CMSS1: variants seen among roughly 807,000 people sequenced by gnomAD.
CMSS1 encodes cms1 ribosomal small subunit homolog.
Under a neutral mutation model 43.5 loss-of-function variants are expected in CMSS1, and 33 were observed. The ratio of observed to expected loss-of-function variants is 0.76; its 90% confidence interval spans 0.57 to 1.01. The LOEUF (loss-of-function observed/expected upper bound fraction) is 1.01, where lower values mean the gene tolerates loss of function less well. CMSS1 is among the 50% of genes least tolerant of loss of function. The probability of loss-of-function intolerance (pLI) is 0.00; values close to 1 mark genes in which losing one functional copy is unlikely to be tolerated. For missense variants in CMSS1, 313 were observed against 326.4 expected, an observed-to-expected ratio of 0.96 and a Z score of 0.32; for synonymous variants, 115 against 117.2, an observed-to-expected ratio of 0.98 and a Z score of 0.12.
chr3:99,841,744 A>T (rs1009719495), intron 1 of CMSS1, among the ~76,000 whole-genome samples: 4 of 152,246 alleles, frequency 2.6e-5, no homozygotes, highest in Non-Finnish European at 4.4e-5. Context: ...GCTCAACATC[A>T]CTAATTATCA....
At chr3:100,158,956 G>C (rs1435003913) in intron 2 of CMSS1, among the ~76,000 whole-genome samples, 1 of 152,228 alleles carries the variant, frequency 6.6e-6, no homozygotes, top group Admixed American at 6.5e-5. Context: ...TACTGGTAGA[G>C]ATAATGCAGT....
chr3:100,102,212 G>T (rs75280680), intron 1 of CMSS1, among the ~76,000 whole-genome samples: 7 of 151,170 alleles, frequency 4.6e-5, no homozygotes, highest in Admixed American at 6.6e-5. Context: ...TTCCACAATG[G>T]TTGAACTAGT....
intron 1 of CMSS1, among the ~76,000 whole-genome samples, chr3:99,976,606 A>G (rs143141625): frequency 1.5e-3 from 232 of 152,308 alleles, no homozygotes; most frequent in African/African-American, 5.1e-3. Context: ...GAAGTTTGCC[A>G]TAATTTTTAT....
intron 1 of CMSS1, among the ~76,000 whole-genome samples, chr3:99,825,775 CT>C (rs897686337): frequency 0.014 from 1,703 of 121,568 alleles, 15 homozygotes; most frequent in African/African-American, 0.048. Context: ...TTTTCTTTTT[CT>C]TTTTTTTTTT....
At chr3:99,930,735 G>T in intron 1 of CMSS1, 1 of 1,605,742 alleles carries the variant, frequency 6.2e-7, no homozygotes, top group Non-Finnish European at 8.5e-7. Context: ...CCTTCTGTTT[G>T]AAGCATGATG....
At chr3:100,109,917 G>T (rs1349188873) in intron 1 of CMSS1, 2 of 34,236 alleles carry the variant, frequency 5.8e-5, no homozygotes, top group Non-Finnish European at 1.2e-4. Flanking sequence ...CCCCCCCCCA[G>T]CACCACCCCC....
chr3:100,082,423 G>C (rs1432728586), intron 1 of CMSS1, among the ~76,000 whole-genome samples: 3 of 152,196 alleles, frequency 2.0e-5, no homozygotes, highest in African/African-American at 7.2e-5. Context: ...AAAACTCACT[G>C]TTATCATAAC....
intron 1 of CMSS1, among the ~76,000 whole-genome samples, chr3:100,125,788 C>CT (rs1269198565): frequency 6.6e-6 from 1 of 152,066 alleles, no homozygotes; most frequent in Non-Finnish European, 1.5e-5. Context: ...ACTCTGTGTC[C>CT]TTTTTTTGGC....
At chr3:99,974,342 AG>A (rs1708906576) in intron 1 of CMSS1, among the ~76,000 whole-genome samples, 1 of 152,168 alleles carries the variant, frequency 6.6e-6, no homozygotes, top group African/African-American at 2.4e-5. Flanking sequence ...TTTCTTTGTA[AG>A]TTTAGTAAAG....
At chr3:99,916,828 C>T (rs556910765) in intron 1 of CMSS1, among the ~76,000 whole-genome samples, 1 of 152,326 alleles carries the variant, frequency 6.6e-6, no homozygotes, top group East Asian at 1.9e-4. Context: ...TCACTCATCA[C>T]TTGTGCCAGC....
intron 1 of CMSS1, among the ~76,000 whole-genome samples, chr3:100,107,107 C>G (rs898131130): frequency 6.6e-6 from 1 of 152,004 alleles, no homozygotes; most frequent in South Asian, 2.1e-4. Context: ...AGGTGAAAAT[C>G]TTTATATTCT....
rs1329565924 is a variant in CMSS1 at position 100,178,620 on chromosome 3, C to T, written c.*232C>T. On this transcript the variant is annotated 3_prime_UTR_variant, in exon 10 of 10. Coordinates refer to ENST00000421999, the MANE Select transcript of CMSS1 (RefSeq NM_032359.4). Reference sequence around the variant, plus strand: ...TGTGTATGATCCTTGTTGAGCGGACCGTGTTTTTCTGTCACCAACTGGCTT... The same window carrying T: ...TGTGTATGATCCTTGTTGAGCGGACTGTGTTTTTCTGTCACCAACTGGCTT... 7 of 386,854 alleles carry T rather than the reference C, an allele frequency of 1.8e-5. No individual in the cohort carries two copies. Among genetic ancestry groups the T allele is most frequent in the Non-Finnish European group, 3.3e-5 (7 of 212,996 alleles). 24.0% of individuals were successfully genotyped at this position (386,854 alleles called of 1,614,324 possible).
chr3:100,169,553 A>G (rs765199811), intron 6 of CMSS1, among the ~76,000 whole-genome samples: 3 of 152,282 alleles, frequency 2.0e-5, no homozygotes, highest in Non-Finnish European at 2.9e-5. Flanking sequence ...TTAGAAAAGT[A>G]GTTGTTAAAC....
chr3:99,957,693 C>CTTTTTTTTTTTTTTTTTTTT (rs779350496), intron 1 of CMSS1, among the ~76,000 whole-genome samples: 348 of 19,886 alleles, frequency 0.017, 85 homozygotes, highest in Middle Eastern at 0.12. Flanking sequence ...TTCTTTCTTT[C>CTTTTTTTTTTTTTTTTTTTT]TTTTTTTTTT....
chr3:100,113,692 C>A (rs990304188), intron 1 of CMSS1, among the ~76,000 whole-genome samples: 24 of 152,190 alleles, frequency 1.6e-4, no homozygotes, highest in Non-Finnish European at 3.5e-4. Context: ...CATCAGCTTA[C>A]AAAATCAAGC....
intron 1 of CMSS1, among the ~76,000 whole-genome samples, chr3:99,937,588 T>C (rs1178752452): frequency 6.6e-6 from 1 of 152,214 alleles, no homozygotes; most frequent in Non-Finnish European, 1.5e-5. Flanking sequence ...ATAATGGTAC[T>C]TGCTAATGGG....
chr3:99,849,816 T>G, intron 1 of CMSS1: 1 of 1,612,696 alleles, frequency 6.2e-7, no homozygotes, highest in East Asian at 2.2e-5. Context: ...TATTGTTTTC[T>G]TGGTGTAATG....
At chr3:99,983,046 G>C (rs897069006) in intron 1 of CMSS1, among the ~76,000 whole-genome samples, 1 of 150,920 alleles carries the variant, frequency 6.6e-6, no homozygotes, top group African/African-American at 2.5e-5. Context: ...TCATTGTTCT[G>C]TACCCATCAG....
At chr3:99,946,855 A>G (rs767163717) in intron 1 of CMSS1, among the ~76,000 whole-genome samples, 5 of 152,318 alleles carry the variant, frequency 3.3e-5, no homozygotes, top group Admixed American at 6.5e-5. Flanking sequence ...GCCAATAGGC[A>G]CTGTCTCCAT....
Sources: gnomAD v4.1 joint callset for allele counts (sites outside exome capture counted in the v4.1 genomes callset) on GRCh38, gnomAD v4.1.1 for gene constraint, MANE v1.5 for transcripts, NCBI Gene and HGNC (gene_info 2026-07-23, HGNC 2026-07-21) for gene names.